The following MITF variants were observed in gnomAD, a reference collection of about 807,000 sequenced individuals.
The protein encoded by MITF is melanocyte inducing transcription factor.
MITF carries 17 observed loss-of-function variants against 60.5 expected under a neutral mutation model. That is an observed-to-expected ratio of 0.28 (90% CI 0.19 to 0.42). MITF has a LOEUF of 0.42. Among genes scored for constraint, MITF ranks in the 10% least tolerant of loss-of-function variants. MITF has a pLI of 1.00. For missense variants in MITF, 622 were observed against 683.5 expected (o/e 0.91, Z 1.00); for synonymous variants, 260 against 248.5 (o/e 1.05, Z -0.43).
chr3:69,893,821 A>G (rs1008591491), intron 2 of MITF, among the ~76,000 whole-genome samples: 3 of 152,174 alleles, frequency 2.0e-5, no homozygotes, highest in Non-Finnish European at 2.9e-5. Context: ...TTTTTGGGGG[A>G]TAAGGAGTAG....
At chr3:69,926,558 G>C (rs992265261) in intron 2 of MITF, among the ~76,000 whole-genome samples, 1 of 152,088 alleles carries the variant, frequency 6.6e-6, no homozygotes, top group East Asian at 1.9e-4. Context: ...GGGCATTTGA[G>C]GGGGGAAATG....
intron 2 of MITF, among the ~76,000 whole-genome samples, chr3:69,900,305 A>G (rs1267513311): frequency 6.6e-6 from 1 of 152,112 alleles, no homozygotes; most frequent in Non-Finnish European, 1.5e-5. Flanking sequence ...ACCGTCCTCC[A>G]TGGAATTAAA....
intron 2 of MITF, among the ~76,000 whole-genome samples, chr3:69,929,529 C>T (rs537583654): frequency 2.5e-4 from 38 of 152,186 alleles, no homozygotes; most frequent in Non-Finnish European, 5.0e-4. Flanking sequence ...CTGGAATGTG[C>T]ATTTCTAATA....
chr3:69,852,816 C>T (rs1575820489), intron 1 of MITF, among the ~76,000 whole-genome samples: 2 of 152,280 alleles, frequency 1.3e-5, no homozygotes, highest in South Asian at 2.1e-4. Flanking sequence ...TCTTCACCAA[C>T]ATTTGGTAAT....
intron 1 of MITF, among the ~76,000 whole-genome samples, chr3:69,872,996 C>A (rs996286375): frequency 1.3e-5 from 2 of 152,018 alleles, no homozygotes; most frequent in Non-Finnish European, 2.9e-5. Flanking sequence ...GTTTTGTAAG[C>A]CTTTGTATTT....
chr3:69,939,418 C>T (rs2065919806), intron 4 of MITF, among the ~76,000 whole-genome samples: 1 of 151,636 alleles, frequency 6.6e-6, no homozygotes, highest in Non-Finnish European at 1.5e-5. Context: ...TTAAAAACTT[C>T]TTAAAGTACA....
At chr3:69,883,723 T>A (rs1168842257) in intron 2 of MITF, among the ~76,000 whole-genome samples, 1 of 152,140 alleles carries the variant, frequency 6.6e-6, no homozygotes, top group Non-Finnish European at 1.5e-5. Context: ...GTGTCTCAGA[T>A]CAGCTTGCCT....
At chr3:69,863,046 G>A (rs991547707) in intron 1 of MITF, among the ~76,000 whole-genome samples, 7 of 151,880 alleles carry the variant, frequency 4.6e-5, no homozygotes, top group African/African-American at 1.7e-4. Context: ...ACAAACTCAG[G>A]AAACACATCT....
At chr3:69,920,331 T>A (rs1359093987) in intron 2 of MITF, among the ~76,000 whole-genome samples, 1 of 151,750 alleles carries the variant, frequency 6.6e-6, no homozygotes, top group Non-Finnish European at 1.5e-5. Context: ...CCCGGGGGAG[T>A]TTAGAGAAGA....
chr3:69,848,644 G>A (rs1243733018), intron 1 of MITF, among the ~76,000 whole-genome samples: 1 of 152,174 alleles, frequency 6.6e-6, no homozygotes, highest in Non-Finnish European at 1.5e-5. Context: ...AAGACTAACT[G>A]AGTGCAAAAG....
At chr3:69,915,083 G>A (rs1193818482) in intron 2 of MITF, among the ~76,000 whole-genome samples, 1 of 152,086 alleles carries the variant, frequency 6.6e-6, no homozygotes. Flanking sequence ...ATGTCACAAG[G>A]AACCCTTGTG....
At chr3:69,749,624 TTTACAATAGC>T (rs1486847688) in intron 1 of MITF, among the ~76,000 whole-genome samples, 1 of 152,148 alleles carries the variant, frequency 6.6e-6, no homozygotes, top group Non-Finnish European at 1.5e-5. Context: ...AAAGGAAGAG[TTTACAATAGC>T]TTATGTGAAG....
At chr3:69,854,137 C>T (rs1047488711) in intron 1 of MITF, among the ~76,000 whole-genome samples, 1 of 152,138 alleles carries the variant, frequency 6.6e-6, no homozygotes, top group African/African-American at 2.4e-5. Context: ...CGTGAGCCAC[C>T]GAGCCCAGCT....
At chr3:69,746,809 G>T (rs530131667) in intron 1 of MITF, among the ~76,000 whole-genome samples, 2 of 152,180 alleles carry the variant, frequency 1.3e-5, no homozygotes, top group African/African-American at 4.8e-5. Flanking sequence ...AAACGAGGTC[G>T]AGAAGACCCA....
At chr3:69,936,884 A>G (rs914973823) in intron 2 of MITF, 10 of 759,902 alleles carry the variant, frequency 1.3e-5, no homozygotes, top group Non-Finnish European at 2.2e-5. Context: ...AATGCTGTTT[A>G]TTATTTGATG....
intron 1 of MITF, chr3:69,763,904 G>A (rs2062249334): frequency 7.3e-7 from 1 of 1,375,166 alleles, no homozygotes; most frequent in Non-Finnish European, 9.7e-7. Context: ...TCTGTGAAAA[G>A]GAAACCAGGA....
intron 1 of MITF, among the ~76,000 whole-genome samples, chr3:69,845,854 G>A (rs984173469): frequency 5.3e-5 from 8 of 152,130 alleles, no homozygotes; most frequent in Non-Finnish European, 1.0e-4. Context: ...GTCCCTCTTA[G>A]AGCCGCGAGC....
intron 2 of MITF, among the ~76,000 whole-genome samples, chr3:69,885,630 A>G (rs1249515277): frequency 6.6e-6 from 1 of 152,156 alleles, no homozygotes; most frequent in Non-Finnish European, 1.5e-5. Context: ...CCAGTACATA[A>G]ACCGATAAAC....
Position 69,904,590 on chromosome 3 carries a change from C to T in MITF, c.354+25207C>T, listed in dbSNP as rs560370136. ...TCTCTCCTCCAATCTCTACTCACTC[C>T]TTCCGTAGAATTTGGCTTGTATTCC... On this transcript the variant is annotated intron_variant, in intron 2 of 9. Transcript: ENST00000352241. Among the ~76,000 whole-genome samples the T allele has an allele frequency of 2.0e-5, 3 of 152,280 alleles. No homozygotes were observed. The East Asian group carries it at 5.8e-4, about 29-fold the overall frequency.
Sources: allele counts gnomAD v4.1 joint callset (sites outside exome capture counted in the v4.1 genomes callset), GRCh38; gene constraint gnomAD v4.1.1; transcripts MANE v1.5; gene names NCBI Gene and HGNC (gene_info 2026-07-23, HGNC 2026-07-21).